Variants in CENPP observed in about 807,000 individuals in gnomAD.
CENPP encodes the protein centromere protein P.
CENPP carries 24 observed loss-of-function variants against 35.6 expected under a neutral mutation model. That is an observed-to-expected ratio of 0.67 (90% CI 0.49 to 0.95). The LOEUF is 0.95. Ranked by LOEUF, CENPP falls within the 40% of genes least tolerant of loss-of-function variation. The probability of loss-of-function intolerance (pLI) is 0.00; values close to 1 mark genes in which losing one functional copy is unlikely to be tolerated. For missense variants in CENPP, 332 were observed against 345.3 expected (o/e 0.96, Z 0.31); for synonymous variants, 120 against 125.5 (o/e 0.96, Z 0.29).
intron 3 of CENPP, among the ~76,000 whole-genome samples, chr9:92,338,410 G>A (rs1841000110): frequency 6.6e-6 from 1 of 152,070 alleles, no homozygotes. Flanking sequence ...GGATGCTCAA[G>A]TCCCTTCTAT....
At chr9:92,467,254 C>G (rs906234974) in intron 5 of CENPP, among the ~76,000 whole-genome samples, 1 of 152,192 alleles carries the variant, frequency 6.6e-6, no homozygotes, top group African/African-American at 2.4e-5. Flanking sequence ...GCTCTCTGCA[C>G]AAGTCTTTTG....
At chr9:92,557,053 T>A (rs1403124603) in intron 5 of CENPP, among the ~76,000 whole-genome samples, 1 of 152,242 alleles carries the variant, frequency 6.6e-6, no homozygotes, top group African/African-American at 2.4e-5. Flanking sequence ...AGCATTTGTT[T>A]GTCTGAAAAC....
intron 5 of CENPP, among the ~76,000 whole-genome samples, chr9:92,577,826 T>G (rs1482168731): frequency 1.3e-5 from 2 of 151,856 alleles, no homozygotes; most frequent in Non-Finnish European, 2.9e-5. Context: ...TACTTTAAGT[T>G]TTAGGGTACA....
intron 6 of CENPP, 44 bp from the exon 7 acceptor site, chr9:92,612,479 A>G (rs756621677): frequency 6.7e-7 from 1 of 1,494,450 alleles, no homozygotes; most frequent in East Asian, 2.3e-5. Context: ...TCTTTTCGCC[A>G]GATTTCAAAA....
At chr9:92,357,383 T>C (rs1841617064) in intron 4 of CENPP, among the ~76,000 whole-genome samples, 1 of 151,738 alleles carries the variant, frequency 6.6e-6, no homozygotes, top group South Asian at 2.1e-4. Context: ...CCTGAGAATG[T>C]CTTAATTTCT....
chr9:92,451,496 G>A (rs1235839960), intron 5 of CENPP, among the ~76,000 whole-genome samples: 1 of 151,808 alleles, frequency 6.6e-6, no homozygotes, highest in African/African-American at 2.4e-5. Context: ...TTTGGTTACT[G>A]TAGCCTTGTA....
intron 5 of CENPP, among the ~76,000 whole-genome samples, chr9:92,382,892 CTTTTTT>C (rs1213731251): frequency 1.6e-4 from 11 of 69,818 alleles, no homozygotes; most frequent in East Asian, 6.9e-4. Context: ...CACTGTTTTC[CTTTTTT>C]TTTTTTTTTT....
intron 5 of CENPP, among the ~76,000 whole-genome samples, chr9:92,570,959 TC>T (rs1588285188): frequency 6.6e-6 from 1 of 152,298 alleles, no homozygotes; most frequent in East Asian, 1.9e-4. Context: ...TCTATTTGAT[TC>T]TTCTCTCTTT....
chr9:92,566,676 G>A (rs556507158), intron 5 of CENPP, among the ~76,000 whole-genome samples: 24 of 152,268 alleles, frequency 1.6e-4, no homozygotes, highest in South Asian at 4.1e-4. Flanking sequence ...CAATTCTTAG[G>A]AGCAGAAAGA....
intron 5 of CENPP, among the ~76,000 whole-genome samples, chr9:92,509,530 A>G (rs922297002): frequency 2.0e-5 from 3 of 152,242 alleles, no homozygotes; most frequent in Non-Finnish European, 2.9e-5. Flanking sequence ...GGCACTGGTT[A>G]GTCGCTACAA....
intron 5 of CENPP, chr9:92,600,180 G>T (rs1850875333): frequency 4.9e-6 from 4 of 808,832 alleles, no homozygotes; most frequent in Non-Finnish European, 6.9e-6. Flanking sequence ...GAAATCTTTG[G>T]AGTTCTTTTC....
In CENPP at chr9:92,611,411, A is replaced by G. The variant is rs373371608; in HGVS notation, c.644+18A>G. ...CGGCCAGGGTGAGCCTGCACAGGCC[A>G]TGGGGCCTCCCATTTCCTGTTCAAA... On this transcript the variant is annotated intron_variant, in intron 6 of 7. Coordinates refer to ENST00000375587, the MANE Select transcript of CENPP (RefSeq NM_001012267.3). The G allele has an allele frequency of 3.6e-5, 58 of 1,600,380 alleles. No homozygotes were observed. Among genetic ancestry groups the G allele is most frequent in the Middle Eastern group, 1.7e-4 (1 of 5,790 alleles).
chr9:92,520,371 C>T (rs7847534), intron 5 of CENPP, among the ~76,000 whole-genome samples: 57,567 of 151,832 alleles, frequency 0.38, 13,640 homozygotes, highest in African/African-American at 0.67. Context: ...TAAAAAGATG[C>T]TTAACATCAT....
intron 5 of CENPP, among the ~76,000 whole-genome samples, chr9:92,480,071 A>C (rs1845858697): frequency 6.6e-6 from 1 of 152,134 alleles, no homozygotes; most frequent in Admixed American, 6.5e-5. Flanking sequence ...CTGTTTTATT[A>C]GTTTTGGCAG....
At chr9:92,597,767 T>C (rs1386941568) in intron 5 of CENPP, among the ~76,000 whole-genome samples, 13 of 152,260 alleles carry the variant, frequency 8.5e-5, no homozygotes, top group Admixed American at 7.8e-4. Context: ...AATTACTACA[T>C]GATTAACTTT....
intron 5 of CENPP, among the ~76,000 whole-genome samples, chr9:92,448,463 G>A (rs183237453): frequency 1.4e-4 from 22 of 151,954 alleles, no homozygotes; most frequent in African/African-American, 5.1e-4. Context: ...GTAGAGACGG[G>A]GTTTCACCAT....
At chr9:92,483,461 C>A (rs941526961) in intron 5 of CENPP, among the ~76,000 whole-genome samples, 3 of 152,130 alleles carry the variant, frequency 2.0e-5, no homozygotes, top group African/African-American at 7.2e-5. Context: ...ATCTCCTGAC[C>A]TCGTGATCTG....
intron 5 of CENPP, among the ~76,000 whole-genome samples, chr9:92,598,014 AT>A (rs2131382655): frequency 6.6e-6 from 1 of 152,294 alleles, no homozygotes; most frequent in South Asian, 2.1e-4. Context: ...ACTTTTATTC[AT>A]TTTTAGGATT....
chr9:92,536,910 C>T (rs1849191577), intron 5 of CENPP, among the ~76,000 whole-genome samples: 1 of 137,936 alleles, frequency 7.2e-6, no homozygotes, highest in African/African-American at 2.9e-5. Flanking sequence ...TGCTCTGTTG[C>T]CCAGGCTAGA....
Sources: gnomAD v4.1 joint callset for allele counts (sites outside exome capture counted in the v4.1 genomes callset) on GRCh38, gnomAD v4.1.1 for gene constraint, MANE v1.5 for transcripts, NCBI Gene and HGNC (gene_info 2026-07-23, HGNC 2026-07-21) for gene names.